Variants in PPP1R3F observed in about 807,000 individuals in gnomAD.
The protein encoded by PPP1R3F is protein phosphatase 1, regulatory (inhibitor) subunit 3F.
PPP1R3F carries 29 observed loss-of-function variants against 24.2 expected under a neutral mutation model. That is an observed-to-expected ratio of 1.20 (90% CI 0.89 to 1.63). The LOEUF is 1.63. PPP1R3F is among the 40% of genes most tolerant of loss of function. The pLI, the probability that PPP1R3F is intolerant of heterozygous loss-of-function variation, is 0.00. For missense variants in PPP1R3F, 823 were observed against 729.3 expected (o/e 1.13, Z -1.48); for synonymous variants, 363 against 340.1 (o/e 1.07, Z -0.74).
intron 3 of PPP1R3F, among the ~76,000 whole-genome samples, chrX:49,283,008 G>A (rs1433846614): frequency 3.8e-5 from 4 of 104,703 alleles, no homozygotes; most frequent in Non-Finnish European, 7.9e-5. Context: ...TTTGGAGGGT[G>A]TGTGTGTGTG....
chrX:49,270,748 C>T lies in PPP1R3F; in HGVS notation c.879C>T (p.Pro293=), dbSNP rs782538292. 6.6e-6 allele frequency: 8 copies of T among 1,203,518 alleles called. No homozygotes were observed. The African/African-American group carries it at 8.6e-5, about 13-fold the overall frequency. The stretch of plus-strand genomic sequence containing the variant: ...TCCGGATCGCACCCGCTCCCACACC[C>T]ACTGATGCCGAAGGGCTGCCCCAGC... The part of the protein sequence containing the change: ...VLLRIAPAPT[P]TDAEGLPQQQ... Residue 293 remains proline (P), a synonymous_variant, in exon 1 of 4, where the codon CCC becomes CCT. Transcript: ENST00000055335.
In PPP1R3F at chrX:49,277,956, CT is replaced by C. The variant is rs1438543766; in HGVS notation, c.1005-3449del. On this transcript the variant is annotated intron_variant, in intron 1 of 3. Coordinates refer to ENST00000055335, the MANE Select transcript of PPP1R3F (RefSeq NM_033215.5). ...ATGCTTGTGCTTTCTGCTTTCATATCTGACTTTGGAGAACGACTTGTTTGCT... is the reference window on the plus strand; with the variant it reads ...ATGCTTGTGCTTTCTGCTTTCATATCGACTTTGGAGAACGACTTGTTTGCT... Among the ~76,000 whole-genome samples the C allele has an allele frequency of 2.0e-4, 23 of 112,435 alleles. No homozygotes were observed. The Admixed American group carries it at 2.2e-3, about 11-fold the overall frequency.
downstream of PPP1R3F, among the ~76,000 whole-genome samples, chrX:49,291,738 T>G (rs2066309719): frequency 9.0e-6 from 1 of 110,637 alleles, no homozygotes; most frequent in African/African-American, 3.3e-5. Flanking sequence ...AGCTCAGCCC[T>G]TTGCCGAGGC....
At position 49,287,107 on chromosome X, in the gene PPP1R3F, C is replaced by T; in HGVS notation, c.*17C>T. On this transcript the variant is annotated 3_prime_UTR_variant, in exon 4 of 4. Transcript: ENST00000055335. ...TTCTCATAGGCTCTGCTTGTGGGATCAGCAGAGGCTTAAGATGGGATACAT... is the reference window on the plus strand; with the variant it reads ...TTCTCATAGGCTCTGCTTGTGGGATTAGCAGAGGCTTAAGATGGGATACAT... 8.3e-7 allele frequency: 1 copy of T among 1,204,025 alleles called. No homozygotes were observed. Among genetic ancestry groups the T allele is most frequent in the African/African-American group, 1.7e-5 (1 of 57,725 alleles).
rs781821196 is a variant in PPP1R3F at position 49,270,524 on chromosome X, G to C, written c.655G>C (p.Asp219His). The change falls in exon 1 of 4, where the codon GAT (aspartate) becomes CAT (histidine). Residue 219 changes from aspartate to histidine, a missense_variant. Transcript: ENST00000055335. Reference protein sequence around the residue: ...GGTGAGDPILDPGLGLGPGQA... With the variant: ...GGTGAGDPILHPGLGLGPGQA... ...AACAGGAGCAGGAGATCCCATCCTG[G>C]ATCCGGGGCTCGGCCTGGGTCCCGG... 1.7e-6 allele frequency: 2 copies of C among 1,205,662 alleles called. No individual in the cohort carries two copies. Among genetic ancestry groups the C allele is most frequent in the South Asian group, 1.8e-5 (1 of 56,862 alleles).
intron 3 of PPP1R3F, among the ~76,000 whole-genome samples, chrX:49,293,183 G>A (rs2066313860): frequency 8.9e-6 from 1 of 112,056 alleles, no homozygotes; most frequent in Non-Finnish European, 1.9e-5. Flanking sequence ...GAGCTCATGT[G>A]AGTTACTGTG....
chrX:49,269,976 G>A lies in PPP1R3F; in HGVS notation c.107G>A (p.Arg36Lys), dbSNP rs1443466151. ...TSVEAAVAPR[R>K]VLFADEALGL... is the part of the protein sequence containing the mutation. ...GTCGAGGCGGCGGTGGCCCCGCGGA[G>A]GGTGCTGTTCGCCGACGAGGCCTTG... Residue 36 changes from arginine to lysine, a missense_variant, in exon 1 of 4, where the codon AGG (arginine) becomes AAG (lysine). Physicochemically the swap from Arg to Lys is conservative, Grantham distance 26. Transcript: ENST00000055335. 3 of 910,180 alleles carry A rather than the reference G, an allele frequency of 3.3e-6. No individual in the cohort carries two copies. The highest frequency in any genetic ancestry group is 4.2e-5 in the African/African-American group (2 of 47,882). The allele number at this position is 910,180 out of a possible 1,213,427, so 75.0% of individuals were successfully genotyped here. A position where few individuals can be genotyped will look rare whatever the true frequency, so the allele number is the denominator to read the frequency against.
intron 3 of PPP1R3F, among the ~76,000 whole-genome samples, chrX:49,294,325 T>C (rs899871771): frequency 6.5e-5 from 7 of 107,891 alleles, no homozygotes; most frequent in Non-Finnish European, 1.3e-4. Flanking sequence ...GCTCAAGTGA[T>C]TCTCCCACCT....
chrX:49,281,579 C>G, intron 2 of PPP1R3F, 118 bp downstream of exon 2: 1 of 593,951 alleles, frequency 1.7e-6, no homozygotes, highest in East Asian at 3.7e-5. Context: ...CCTGTAATCC[C>G]AGCACTTTGG....
chrX:49,272,397 A>G (rs1320254835), intron 1 of PPP1R3F, among the ~76,000 whole-genome samples: 1 of 112,712 alleles, frequency 8.9e-6, no homozygotes, highest in Non-Finnish European at 1.9e-5. Context: ...TGGCCAACGC[A>G]TTTAACTACA....
At chrX:49,297,515 A>AT (rs1237250962) in intron 3 of PPP1R3F, among the ~76,000 whole-genome samples, 1 of 110,139 alleles carries the variant, frequency 9.1e-6, no homozygotes, top group African/African-American at 3.3e-5. Context: ...CGCCTGGCCA[A>AT]TTTTTTGTAT....
intron 1 of PPP1R3F, among the ~76,000 whole-genome samples, chrX:49,277,529 G>C (rs2147965923): frequency 8.9e-6 from 1 of 112,378 alleles, no homozygotes; most frequent in African/African-American, 3.2e-5. Flanking sequence ...CATACTGCAG[G>C]TACAGTTTTG....
chrX:49,293,102 G>A (rs1360225574), intron 3 of PPP1R3F, among the ~76,000 whole-genome samples: 1 of 111,438 alleles, frequency 9.0e-6, no homozygotes, highest in African/African-American at 3.3e-5. Flanking sequence ...CAGCCACTGT[G>A]CCACTATTCT....
chrX:49,295,488 G>A (rs2066320469), intron 3 of PPP1R3F, among the ~76,000 whole-genome samples: 1 of 111,957 alleles, frequency 8.9e-6, no homozygotes, highest in Non-Finnish European at 1.9e-5. Flanking sequence ...GCATCCCCAG[G>A]ATAAGCCTCA....
intron 3 of PPP1R3F, among the ~76,000 whole-genome samples, chrX:49,282,443 CTGTGTGTGTGTGTGTGTG>C (rs545507997): frequency 1.8e-4 from 13 of 73,926 alleles, no homozygotes; most frequent in East Asian, 9.4e-4. Flanking sequence ...GTGAGAGACT[CTGTGTGTGTGTGTGTGTG>C]TGTGTGTGTG....
chrX:49,292,660 G>A (rs898145315), downstream of PPP1R3F, among the ~76,000 whole-genome samples: 8 of 112,964 alleles, frequency 7.1e-5, no homozygotes, highest in Non-Finnish European at 1.3e-4. Context: ...GGGGAGACAC[G>A]GGCCGGGAGG....
Position 49,286,270 on chromosome X carries a change from G to C in PPP1R3F, c.1580G>C (p.Gly527Ala). The change falls in exon 4 of 4, where the codon GGC becomes GCC. Residue 527 changes from glycine (G) to alanine (A), a missense_variant. Coordinates refer to ENST00000055335, the MANE Select transcript of PPP1R3F (RefSeq NM_033215.5). ...DGGMSPSHPL[G>A]ILTDRDLILK... ...GGGATGTCCCCCAGCCATCCCCTGG[G>C]CATACTGACGGACCGCGACCTGATC... 8.3e-7 allele frequency: 1 copy of C among 1,210,841 alleles called. No homozygotes were observed. Among genetic ancestry groups the C allele is most frequent in the East Asian group, 3.0e-5 (1 of 33,831 alleles).
downstream of PPP1R3F, among the ~76,000 whole-genome samples, chrX:49,291,285 C>CTT (rs59190057): frequency 9.4e-5 from 4 of 42,461 alleles, no homozygotes; most frequent in Middle Eastern, 0.014. Flanking sequence ...GTCCAGCCTA[C>CTT]TTTTCTCTCT....
In PPP1R3F at chrX:49,300,497, T is replaced by G. The variant is rs1415673055; in HGVS notation, c.393-854T>G. ...CTGCTGTTTTTTTTTTTTTTTTTTT[T>G]TTTTTTTTTTAAGACAGAGTCTCAC... On this transcript the variant is annotated intron_variant, in intron 3 of 3. Coordinates refer to the PPP1R3F transcript ENST00000471261. Among the ~76,000 whole-genome samples the G allele has an allele frequency of 1.8e-4, 11 of 60,163 alleles. 1 individual carries two copies. The highest frequency in any genetic ancestry group is 3.5e-4 in the Non-Finnish European group (9 of 25,928). 52.2% of individuals were successfully genotyped at this position (60,163 alleles called of 115,157 possible).
Sources: allele counts gnomAD v4.1 joint callset (sites outside exome capture counted in the v4.1 genomes callset), GRCh38; gene constraint gnomAD v4.1.1; transcripts MANE v1.5; gene names NCBI Gene and HGNC (gene_info 2026-07-23, HGNC 2026-07-21).